LOXHD1: variants seen among roughly 807,000 people sequenced by gnomAD.
LOXHD1 encodes the protein lipoxygenase homology PLAT domains 1.
In LOXHD1, 205 loss-of-function variants were observed where a neutral mutation model predicts 248.2. That is an observed-to-expected ratio of 0.83 (90% CI 0.74 to 0.93). LOXHD1 has a LOEUF of 0.93. LOXHD1 is among the 40% of genes least tolerant of loss of function. The pLI, the probability that LOXHD1 is intolerant of heterozygous loss-of-function variation, is 0.00. For synonymous variants in LOXHD1, 1,113 were observed against 1,162.8 expected (o/e 0.96, Z 0.87); for missense variants, 2,930 against 2,971.6 (o/e 0.99, Z 0.33).
chr18:46,477,755 C>T lies in LOXHD1; in HGVS notation c.6539G>A (p.Gly2180Glu), dbSNP rs763915229. Residue 2180 changes from glycine to glutamate, a missense_variant, in exon 41 of 41, where the codon GGG (glycine) becomes GAG (glutamate). Transcript: ENST00000642948. The stretch of plus-strand genomic sequence containing the variant: ...CCGCTTGCCTGTGTCTCCGTTGGCC[C>T]CAAAGATGGTCACGAAGACGTTGGC... ...TDANVFVTIF[G>E]ANGDTGKREL... The T allele has an allele frequency of 4.3e-5, 66 of 1,551,792 alleles. No individual in the cohort carries two copies. The highest frequency in any genetic ancestry group is 5.7e-5 in the Non-Finnish European group (65 of 1,147,056).
At chr18:46,479,778 A>AAC (rs1555652014) in intron 40 of LOXHD1, among the ~76,000 whole-genome samples, 5 of 140,958 alleles carry the variant, frequency 3.5e-5, no homozygotes, top group Non-Finnish European at 4.7e-5. Flanking sequence ...AAAAAAAAAC[A>AAC]AAAAAAAAAA....
intron 37 of LOXHD1, among the ~76,000 whole-genome samples, chr18:46,500,782 A>AT (rs1410865420): frequency 2.0e-5 from 3 of 152,040 alleles, no homozygotes; most frequent in African/African-American, 7.2e-5. Flanking sequence ...ACATATCAAG[A>AT]TTTTTTCCTG....
intron 15 of LOXHD1, among the ~76,000 whole-genome samples, chr18:46,571,156 T>G (rs1311131333): frequency 6.6e-6 from 1 of 152,190 alleles, no homozygotes; most frequent in African/African-American, 2.4e-5. Context: ...AGTCTGACCT[T>G]AGAAGAGGTC....
At chr18:46,600,824 T>C (rs2038325375) in intron 8 of LOXHD1, among the ~76,000 whole-genome samples, 1 of 152,210 alleles carries the variant, frequency 6.6e-6, no homozygotes, top group Non-Finnish European at 1.5e-5. Context: ...TTTTTAACAT[T>C]CCTTATGTCT....
chr18:46,624,841 A>G (rs548992650), intron 4 of LOXHD1, among the ~76,000 whole-genome samples: 1 of 151,522 alleles, frequency 6.6e-6, no homozygotes, highest in African/African-American at 2.4e-5. Flanking sequence ...TCTCCCTCTC[A>G]CTGTCTTACA....
chr18:46,638,570 T>C (rs960569928), intron 4 of LOXHD1, among the ~76,000 whole-genome samples: 1 of 152,042 alleles, frequency 6.6e-6, no homozygotes, highest in African/African-American at 2.4e-5. Flanking sequence ...GAGGCAGAGA[T>C]CACAGTGAGC....
chr18:46,616,598 T>G (rs1298091648), intron 5 of LOXHD1, among the ~76,000 whole-genome samples: 1 of 152,210 alleles, frequency 6.6e-6, no homozygotes. Context: ...CTTTCTTCTG[T>G]GTACAATTTC....
chr18:46,494,312 A>G (rs560406146), intron 37 of LOXHD1, among the ~76,000 whole-genome samples: 8 of 152,174 alleles, frequency 5.3e-5, no homozygotes, highest in African/African-American at 1.9e-4. Context: ...AGAACTGATC[A>G]ATGATTTTTA....
chr18:46,648,683 C>A (rs572921604), intron 2 of LOXHD1, among the ~76,000 whole-genome samples: 2 of 152,212 alleles, frequency 1.3e-5, no homozygotes, highest in Non-Finnish European at 2.9e-5. Flanking sequence ...AGCACACACA[C>A]AAGCAATCCC....
chr18:46,576,949 C>T (rs1328890496), intron 14 of LOXHD1, among the ~76,000 whole-genome samples: 1 of 152,212 alleles, frequency 6.6e-6, no homozygotes, highest in Non-Finnish European at 1.5e-5. Flanking sequence ...CAAAGGAGGG[C>T]TGTCCTCAGT....
At chr18:46,604,443 A>G (rs1469937375) in intron 6 of LOXHD1, among the ~76,000 whole-genome samples, 1 of 152,158 alleles carries the variant, frequency 6.6e-6, no homozygotes, top group East Asian at 1.9e-4. Flanking sequence ...TTACCTTCTG[A>G]CTTGAATTAC....
intron 37 of LOXHD1, among the ~76,000 whole-genome samples, chr18:46,496,339 G>C (rs2033867371): frequency 6.6e-6 from 1 of 152,140 alleles, no homozygotes; most frequent in Non-Finnish European, 1.5e-5. Flanking sequence ...AGACAAAAAT[G>C]GTTGAAAGGT....
intron 8 of LOXHD1, among the ~76,000 whole-genome samples, chr18:46,596,848 G>A (rs965479413): frequency 1.3e-5 from 2 of 152,054 alleles, no homozygotes; most frequent in Non-Finnish European, 2.9e-5. Context: ...ATTCTGTACC[G>A]TAAAATTATT....
At chr18:46,634,872 C>T (rs762526247) in intron 4 of LOXHD1, among the ~76,000 whole-genome samples, 6 of 152,112 alleles carry the variant, frequency 3.9e-5, no homozygotes, top group Admixed American at 6.5e-5. Context: ...ATGGTGGTGA[C>T]GGTTGCACAA....
chr18:46,605,603 C>T (rs2038401637), intron 6 of LOXHD1, among the ~76,000 whole-genome samples: 1 of 152,128 alleles, frequency 6.6e-6, no homozygotes, highest in African/African-American at 2.4e-5. Flanking sequence ...ATCAAAGACT[C>T]AGGCAATAGG....
intron 12 of LOXHD1, among the ~76,000 whole-genome samples, chr18:46,588,020 C>T (rs1326174217): frequency 6.6e-6 from 1 of 152,134 alleles, no homozygotes; most frequent in Non-Finnish European, 1.5e-5. Flanking sequence ...GGTATTTACT[C>T]ATTTTACGTG....
rs894524501 is a variant in LOXHD1 at position 46,557,955 on chromosome 18, G to A, written c.3217-466C>T. 28 of 1,036,128 alleles carry A rather than the reference G, an allele frequency of 2.7e-5. No homozygotes were observed. In the African/African-American group the frequency reaches 2.8e-4, roughly 10 times the overall value. The allele number at this position is 1,036,128 out of a possible 1,614,324, so 64.2% of individuals were successfully genotyped here. A position where few individuals can be genotyped will look rare whatever the true frequency, so the allele number is the denominator to read the frequency against. ...AAAGTGACTGTCAGAAACTGAAGAC[G>A]GATTTGCCCACCATTTAGGTGTGAA... On this transcript the variant is annotated intron_variant, in intron 20 of 40. Coordinates refer to ENST00000642948, the MANE Select transcript of LOXHD1 (RefSeq NM_001384474.1).
chr18:46,574,390 C>CAT (rs2144112662), intron 14 of LOXHD1, among the ~76,000 whole-genome samples: 1 of 142,878 alleles, frequency 7.0e-6, no homozygotes, highest in East Asian at 2.0e-4. Context: ...TGTACACATA[C>CAT]ACACACACAC....
At chr18:46,504,734 C>T (rs995531541) in intron 37 of LOXHD1, among the ~76,000 whole-genome samples, 5 of 152,144 alleles carry the variant, frequency 3.3e-5, no homozygotes, top group Non-Finnish European at 2.9e-5. Context: ...GCTAGTCCTC[C>T]GCAGGGGTTT....
Sources: allele counts gnomAD v4.1 joint callset (sites outside exome capture counted in the v4.1 genomes callset), GRCh38; gene constraint gnomAD v4.1.1; transcripts MANE v1.5; gene names NCBI Gene and HGNC (gene_info 2026-07-23, HGNC 2026-07-21).